The following PCDHGA10 variants were observed in gnomAD, a reference collection of about 807,000 sequenced individuals.
PCDHGA10 encodes protocadherin gamma-A10.
PCDHGA10 carries 42 observed loss-of-function variants against 59.5 expected under a neutral mutation model. The ratio of observed to expected loss-of-function variants is 0.71; its 90% CI spans 0.55 to 0.91. The LOEUF (loss-of-function observed/expected upper bound fraction) is 0.91. Among genes scored for constraint, PCDHGA10 ranks in the 40% least tolerant of loss-of-function variants. The pLI is 0.00. For missense variants in PCDHGA10, 1,111 were observed against 1,198.2 expected, an observed-to-expected ratio of 0.93 and a Z score of 1.07; for synonymous variants, 511 against 517.2, an observed-to-expected ratio of 0.99 and a Z score of 0.16.
Position 141,477,143 on chromosome 5 carries a change from G to A in PCDHGA10, c.2437-17664G>A. Reference sequence around the variant, plus strand: ...ACATTGCAAAGTGTTGGTGGAGGTTGTGGATGTGAATGACAACGCCCCGGA... The same window carrying A: ...ACATTGCAAAGTGTTGGTGGAGGTTATGGATGTGAATGACAACGCCCCGGA... On this transcript the variant is annotated intron_variant, in intron 1 of 3. Transcript: ENST00000398610. This position sits in a 1 kb window ranked among gnomAD's most constrained non-coding sequence, Gnocchi z 4.9. 6.2e-7 allele frequency: 1 copy of A among 1,614,198 alleles called. No individual in the cohort carries two copies. Among genetic ancestry groups the A allele is most frequent in the Non-Finnish European group, 8.5e-7 (1 of 1,180,036 alleles).
At chr5:141,496,412 T>C (rs1322376676) in intron 2 of PCDHGA10, among the ~76,000 whole-genome samples, 1 of 152,180 alleles carries the variant, frequency 6.6e-6, no homozygotes, top group African/African-American at 2.4e-5. Context: ...GGTTGAGTAC[T>C]TGCTGTCCAC....
intron 3 of PCDHGA10, among the ~76,000 whole-genome samples, chr5:141,509,422 G>A (rs1181133903): frequency 3.3e-5 from 5 of 152,136 alleles, no homozygotes; most frequent in Non-Finnish European, 5.9e-5. Flanking sequence ...GCCCCAATGA[G>A]TCAAACTCTT....
At position 141,431,633 on chromosome 5, in the gene PCDHGA10, T is replaced by G; in HGVS notation, c.2436+16022T>G. On this transcript the variant is annotated intron_variant, in intron 1 of 3. Coordinates refer to ENST00000398610, the MANE Select transcript of PCDHGA10 (RefSeq NM_018913.3). This position sits in a 1 kb window ranked among gnomAD's most constrained non-coding sequence, Gnocchi z 4.8. Reference sequence around the variant, plus strand: ...TGTGGACGACAAGGCGGCCCAAGTTTTCAAACTAGATTGTAATTCAGGGAC... The same window carrying G: ...TGTGGACGACAAGGCGGCCCAAGTTGTCAAACTAGATTGTAATTCAGGGAC... 6.2e-7 allele frequency: 1 copy of G among 1,614,240 alleles called. No individual in the cohort carries two copies. Among genetic ancestry groups the G allele is most frequent in the Non-Finnish European group, 8.5e-7 (1 of 1,180,048 alleles).
chr5:141,467,912 G>A (rs879405529), intron 1 of PCDHGA10, among the ~76,000 whole-genome samples: 1 of 152,086 alleles, frequency 6.6e-6, no homozygotes, highest in Admixed American at 6.6e-5. Context: ...GCCCACCTCA[G>A]CCTCCCAAAA....
chr5:141,428,190 T>C (rs1348507135), intron 1 of PCDHGA10: 2 of 1,429,918 alleles, frequency 1.4e-6, no homozygotes, highest in Non-Finnish European at 1.9e-6. Flanking sequence ...CAGCCGCCGC[T>C]CTCTGCGCCG....
At position 141,491,121 on chromosome 5, in the gene PCDHGA10, G is replaced by T. The variant is rs1176877834; in HGVS notation, c.2437-3686G>T. On this transcript the variant is annotated intron_variant, in intron 1 of 3. Transcript: ENST00000398610. The surrounding 1 kb of genome is among the most constrained non-coding windows in gnomAD (Gnocchi z 6.9). ...TCCTCGTGTCTACACACACTGGTGA[G>T]GTGCGCACAGCCCGGGCCTTACTGG... 5 of 1,614,200 alleles carry T rather than the reference G, an allele frequency of 3.1e-6. No individual in the cohort carries two copies. In the South Asian group the frequency reaches 5.5e-5, roughly 18 times the overall value.
chr5:141,424,786 T>G (rs1219509852), intron 1 of PCDHGA10: 1 of 152,210 alleles, frequency 6.6e-6, no homozygotes, highest in Non-Finnish European at 1.5e-5. Flanking sequence ...ATTCAGTTCT[T>G]TTATTCAGAC....
Position 141,431,067 on chromosome 5 carries a change from A to G in PCDHGA10, c.2436+15456A>G. The G allele has an allele frequency of 1.2e-6, 2 of 1,614,164 alleles. No homozygotes were observed. Among genetic ancestry groups the G allele is most frequent in the Non-Finnish European group, 1.7e-6 (2 of 1,179,976 alleles). Reference sequence around the variant, plus strand: ...CTCTGTATGGGGGCCATCAAGTGTCAATTAAATCTAGACATTCTGATGGAG... The same window carrying G: ...CTCTGTATGGGGGCCATCAAGTGTCGATTAAATCTAGACATTCTGATGGAG... On this transcript the variant is annotated intron_variant, in intron 1 of 3. Transcript: ENST00000398610. This position sits in a 1 kb window ranked among gnomAD's most constrained non-coding sequence, Gnocchi z 4.8.
intron 1 of PCDHGA10, chr5:141,420,929 G>A (rs1321290902): frequency 1.4e-5 from 5 of 362,196 alleles, no homozygotes; most frequent in Non-Finnish European, 2.5e-5. Flanking sequence ...AAAGGTGAGC[G>A]TAATCATTTC....
intron 1 of PCDHGA10, among the ~76,000 whole-genome samples, chr5:141,443,577 G>A (rs567410923): frequency 1.3e-5 from 2 of 152,284 alleles, no homozygotes; most frequent in South Asian, 4.1e-4. Context: ...ATGGACTTGA[G>A]CTAAAACAGA....
rs1183407162 is a variant in PCDHGA10 at position 141,422,793 on chromosome 5, C to G, written c.2436+7182C>G. 3 of 1,614,110 alleles carry G rather than the reference C, an allele frequency of 1.9e-6. No individual in the cohort carries two copies. The South Asian group carries it at 3.3e-5, about 18-fold the overall frequency. On this transcript the variant is annotated intron_variant, in intron 1 of 3. Transcript: ENST00000398610. Reference sequence around the variant, plus strand: ...TTCTCTATGCCCTACAATCCTTCGACTATGAGCAGTTTCGAGACTTAGAAC... The same window carrying G: ...TTCTCTATGCCCTACAATCCTTCGAGTATGAGCAGTTTCGAGACTTAGAAC...
rs1404656316 is a variant in PCDHGA10 at position 141,486,648 on chromosome 5, A to G, written c.2437-8159A>G. 6.2e-7 allele frequency: 1 copy of G among 1,613,298 alleles called. No individual in the cohort carries two copies. The highest frequency in any genetic ancestry group is 8.5e-7 in the Non-Finnish European group (1 of 1,179,892). The stretch of plus-strand genomic sequence containing the variant: ...TCTGGCTTGAATGCGCTTATCTCCT[A>G]CTCACTCCTGGAGCCCAGGAATCGA... On this transcript the variant is annotated intron_variant, in intron 1 of 3. Coordinates refer to ENST00000398610, the MANE Select transcript of PCDHGA10 (RefSeq NM_018913.3). This position sits in a 1 kb window ranked among gnomAD's most constrained non-coding sequence, Gnocchi z 5.0.
At chr5:141,421,000 A>G (rs2096537102) in intron 1 of PCDHGA10, 1 of 507,878 alleles carries the variant, frequency 2.0e-6, no homozygotes, top group East Asian at 3.3e-5. Flanking sequence ...CTGCTCACCA[A>G]TCAGGGAATG....
intron 2 of PCDHGA10, among the ~76,000 whole-genome samples, chr5:141,503,682 G>A (rs1430771639): frequency 1.3e-5 from 2 of 151,974 alleles, no homozygotes; most frequent in South Asian, 4.1e-4. Flanking sequence ...CTTTTGGGAA[G>A]GAGAATTGAG....
intron 1 of PCDHGA10, chr5:141,421,344 G>A: frequency 6.2e-7 from 1 of 1,613,976 alleles, no homozygotes; most frequent in Non-Finnish European, 8.5e-7. Context: ...TGCCAGAAGA[G>A]ACCGAAAAGG....
At chr5:141,461,974 C>T (rs2099027742) in intron 1 of PCDHGA10, among the ~76,000 whole-genome samples, 1 of 152,202 alleles carries the variant, frequency 6.6e-6, no homozygotes, top group Non-Finnish European at 1.5e-5. Context: ...CAGGCATATG[C>T]CACCACGCCA....
At chr5:141,464,116 T>A (rs1195883274) in intron 1 of PCDHGA10, among the ~76,000 whole-genome samples, 1 of 151,922 alleles carries the variant, frequency 6.6e-6, no homozygotes, top group African/African-American at 2.4e-5. Context: ...AATACAAAAA[T>A]TAGCTGGGTG....
At chr5:141,495,175 C>T (rs1337353259) in intron 2 of PCDHGA10, among the ~76,000 whole-genome samples, 1 of 152,182 alleles carries the variant, frequency 6.6e-6, no homozygotes, top group Admixed American at 6.5e-5. Context: ...TGGGTGAAAG[C>T]GAGGCTTTCT....
rs1258752203 is a variant in PCDHGA10, at chr5:141,431,160, G to C, written c.2436+15549G>C. On this transcript the variant is annotated intron_variant, in intron 1 of 3. Coordinates refer to ENST00000398610, the MANE Select transcript of PCDHGA10 (RefSeq NM_018913.3). The surrounding 1 kb of genome is among the most constrained non-coding windows in gnomAD (Gnocchi z 4.8). ...ATTAACGACAATGCGCCTTACTTTC[G>C]TGAAAGTGAATTAGAAATAAAAATT... is the stretch of plus-strand genomic sequence containing the variant. The C allele has an allele frequency of 6.2e-7, 1 of 1,614,198 alleles. No homozygotes were observed. Among genetic ancestry groups the C allele is most frequent in the South Asian group, 1.1e-5 (1 of 91,084 alleles).
Sources: allele counts gnomAD v4.1 joint callset (sites outside exome capture counted in the v4.1 genomes callset), GRCh38; gene constraint gnomAD v4.1.1; non-coding constraint Gnocchi (gnomAD v3.1); transcripts MANE v1.5; gene names NCBI Gene and HGNC (gene_info 2026-07-23, HGNC 2026-07-21).